The following LDB2 variants were observed in gnomAD, a reference collection of about 807,000 sequenced individuals.
LDB2 encodes the protein LIM domain binding 2.
In LDB2, 12 loss-of-function variants were observed where a neutral mutation model predicts 44.3. That is an observed-to-expected ratio of 0.27 (90% confidence interval 0.17 to 0.44). LDB2 has a LOEUF of 0.44. Among genes scored for constraint, LDB2 ranks in the 20% least tolerant of loss-of-function variants. LDB2 has a pLI of 1.00. For synonymous variants in LDB2, 164 were observed against 174.8 expected, an observed-to-expected ratio of 0.94 and a Z score of 0.49; for missense variants, 344 against 473.5, an observed-to-expected ratio of 0.73 and a Z score of 2.54.
At chr4:16,643,521 T>C (rs948367362) in intron 2 of LDB2, among the ~76,000 whole-genome samples, 1 of 152,224 alleles carries the variant, frequency 6.6e-6, no homozygotes, top group Admixed American at 6.5e-5. Context: ...TATTGTTAAA[T>C]GGCACTAAAA....
chr4:16,592,465 CATATATATATAT>C (rs71589671), intron 3 of LDB2, among the ~76,000 whole-genome samples: 107 of 116,598 alleles, frequency 9.2e-4, no homozygotes, highest in African/African-American at 1.3e-3. Context: ...ATTATACATA[CATATATATATAT>C]ATATATATAT....
intron 5 of LDB2, among the ~76,000 whole-genome samples, chr4:16,514,385 T>C (rs1487514300): frequency 6.6e-6 from 1 of 152,198 alleles, no homozygotes; most frequent in Non-Finnish European, 1.5e-5. Context: ...GAGGTCCACT[T>C]ACCTATATAT....
intron 2 of LDB2, among the ~76,000 whole-genome samples, chr4:16,633,076 G>T (rs1458731208): frequency 6.6e-6 from 1 of 152,162 alleles, no homozygotes; most frequent in Non-Finnish European, 1.5e-5. Flanking sequence ...AGAAAATGTG[G>T]TACATATACA....
intron 5 of LDB2, among the ~76,000 whole-genome samples, chr4:16,512,366 G>A (rs1467387895): frequency 1.3e-5 from 2 of 151,898 alleles, no homozygotes; most frequent in African/African-American, 4.8e-5. Context: ...ACATATACGT[G>A]TACACACACA....
At chr4:16,559,294 A>T (rs1375085327) in intron 5 of LDB2, among the ~76,000 whole-genome samples, 1 of 152,246 alleles carries the variant, frequency 6.6e-6, no homozygotes. Flanking sequence ...GTCAAGATCC[A>T]TCAGTGTGCT....
At chr4:16,516,894 G>T (rs907521416) in intron 5 of LDB2, among the ~76,000 whole-genome samples, 52 of 152,190 alleles carry the variant, frequency 3.4e-4, no homozygotes, top group Admixed American at 3.3e-3. Context: ...TCCGGGGCTG[G>T]AGAGGCAGCC....
At chr4:16,503,784 C>T (rs1718254357) in intron 7 of LDB2, among the ~76,000 whole-genome samples, 1 of 152,202 alleles carries the variant, frequency 6.6e-6, no homozygotes, top group African/African-American at 2.4e-5. Flanking sequence ...TCCATCTAAT[C>T]ACTCTTTTAA....
chr4:16,696,951 G>A (rs1038625951), intron 2 of LDB2, among the ~76,000 whole-genome samples: 1 of 152,122 alleles, frequency 6.6e-6, no homozygotes, highest in Non-Finnish European at 1.5e-5. Context: ...ATATCAGCCA[G>A]ATCCAATGCT....
chr4:16,888,862 A>T (rs576823189), intron 1 of LDB2: 2 of 260,722 alleles, frequency 7.7e-6, no homozygotes, highest in East Asian at 3.6e-4. Flanking sequence ...CTTCCTTAAT[A>T]TTACACAGCA....
intron 2 of LDB2, among the ~76,000 whole-genome samples, chr4:16,749,430 C>T (rs566991392): frequency 9.3e-5 from 14 of 150,706 alleles, no homozygotes; most frequent in African/African-American, 1.5e-4. Context: ...TGGTTGTGAG[C>T]GCCTATAGTC....
chr4:16,640,070 T>C (rs1734714534), intron 2 of LDB2, among the ~76,000 whole-genome samples: 1 of 152,264 alleles, frequency 6.6e-6, no homozygotes, highest in Admixed American at 6.5e-5. Flanking sequence ...ACATCTACTC[T>C]GTGCCACTTT....
At chr4:16,792,099 G>A (rs1775884203) in intron 1 of LDB2, among the ~76,000 whole-genome samples, 1 of 152,176 alleles carries the variant, frequency 6.6e-6, no homozygotes, top group Non-Finnish European at 1.5e-5. Context: ...CACACTTGAT[G>A]AGAAACAAAA....
Position 16,700,626 on chromosome 4 carries a change from C to T in LDB2, c.235+58532G>A, listed in dbSNP as rs79641436. On this transcript the variant is annotated intron_variant, in intron 2 of 7. Transcript: ENST00000304523. ...GCTTGAATTGAATCAAGACAAGATA[C>T]GCTGGGCAGAAGCCAGACCCTGTGG... is the stretch of plus-strand genomic sequence containing the variant. Among the ~76,000 whole-genome samples the T allele has an allele frequency of 5.2e-4, 79 of 152,240 alleles. 1 individual carries two copies. The East Asian group carries it at 0.014, about 27-fold the overall frequency.
chr4:16,887,535 TG>T (rs1019417290), intron 1 of LDB2, among the ~76,000 whole-genome samples: 1 of 150,004 alleles, frequency 6.7e-6, no homozygotes, highest in African/African-American at 2.5e-5. Context: ...TAAAAAAGGT[TG>T]TTTTTTTGTG....
intron 1 of LDB2, among the ~76,000 whole-genome samples, chr4:16,870,736 G>A (rs1198942779): frequency 2.0e-5 from 3 of 152,046 alleles, no homozygotes; most frequent in Non-Finnish European, 4.4e-5. Flanking sequence ...CAGTTCAAGC[G>A]ATTCTCCTGC....
chr4:16,652,628 G>C (rs1333117689), intron 2 of LDB2, among the ~76,000 whole-genome samples: 1 of 152,192 alleles, frequency 6.6e-6, no homozygotes, highest in Non-Finnish European at 1.5e-5. Context: ...TAGACATCGG[G>C]TACCACTTTA....
chr4:16,571,101 T>G (rs1746375349), intron 5 of LDB2, among the ~76,000 whole-genome samples: 1 of 152,046 alleles, frequency 6.6e-6, no homozygotes, highest in Non-Finnish European at 1.5e-5. Context: ...GGAGATGAAG[T>G]TGGAGAGGCT....
intron 1 of LDB2, among the ~76,000 whole-genome samples, chr4:16,783,043 T>G (rs908880681): frequency 5.9e-5 from 9 of 152,194 alleles, no homozygotes; most frequent in African/African-American, 1.7e-4. Context: ...ACCCAAATAA[T>G]AAGACTCATG....
intron 2 of LDB2, among the ~76,000 whole-genome samples, chr4:16,702,583 T>C (rs1177313875): frequency 6.6e-6 from 1 of 152,218 alleles, no homozygotes; most frequent in Non-Finnish European, 1.5e-5. Context: ...TTTATTTTCC[T>C]TGTCCAAGTG....
Sources: allele counts gnomAD v4.1 joint callset (sites outside exome capture counted in the v4.1 genomes callset), GRCh38; gene constraint gnomAD v4.1.1; transcripts MANE v1.5; gene names NCBI Gene and HGNC (gene_info 2026-07-23, HGNC 2026-07-21).